SLC35F4: variants seen among roughly 807,000 people sequenced by gnomAD.
The protein encoded by SLC35F4 is solute carrier family 35 member F4, also known as chromosome 14 open reading frame 36.
In SLC35F4, 24 loss-of-function variants were observed where a neutral mutation model predicts 44.2. The observed-to-expected ratio is 0.54, with a 90% CI of 0.39 to 0.76. The LOEUF (loss-of-function observed/expected upper bound fraction) is 0.76, where lower values mean the gene tolerates loss of function less well. Ranked by LOEUF, SLC35F4 falls within the 30% of genes least tolerant of loss-of-function variation. SLC35F4 has a pLI of 0.00. For synonymous variants in SLC35F4, 238 were observed against 223.6 expected (o/e 1.06, Z -0.57); for missense variants, 562 against 586.1 (o/e 0.96, Z 0.42).
intron 1 of SLC35F4, among the ~76,000 whole-genome samples, chr14:57,850,937 A>G: frequency 6.6e-6 from 1 of 152,218 alleles, no homozygotes; most frequent in East Asian, 1.9e-4. Context: ...TATGACATTA[A>G]TTCAACTTGT....
chr14:57,686,013 C>T (rs554566086), intron 1 of SLC35F4, among the ~76,000 whole-genome samples: 1 of 152,270 alleles, frequency 6.6e-6, no homozygotes, highest in East Asian at 1.9e-4. Context: ...ATCTTCAACA[C>T]ATGTGACATT....
At chr14:57,586,739 A>AAAAAAAAAAAAAAAAAAAAAAAAC (rs2069761016) in intron 3 of SLC35F4, among the ~76,000 whole-genome samples, 1 of 147,758 alleles carries the variant, frequency 6.8e-6, no homozygotes, top group African/African-American at 2.5e-5. Context: ...AAAAAAAAAA[A>AAAAAAAAAAAAAAAAAAAAAAAAC]AAAAAAAAGA....
At chr14:57,901,029 G>C (rs1005686308) in intron 1 of SLC35F4, among the ~76,000 whole-genome samples, 8 of 152,188 alleles carry the variant, frequency 5.3e-5, no homozygotes, top group Non-Finnish European at 7.3e-5. Flanking sequence ...AGCAGATGCT[G>C]GTGAGGTTGC....
At position 57,686,443 on chromosome 14, in the gene SLC35F4, C is replaced by T. The variant is rs552236683; in HGVS notation, c.104-92319G>A. On this transcript the variant is annotated intron_variant, in intron 1 of 7. Coordinates refer to ENST00000556826, the MANE Select transcript of SLC35F4 (RefSeq NM_001306087.2). Reference sequence around the variant, plus strand: ...AAAAATCAAATTAGTGCAGCTGGGCCGATTACCAAAAGCCATTAGAAGACT... The same window carrying T: ...AAAAATCAAATTAGTGCAGCTGGGCTGATTACCAAAAGCCATTAGAAGACT... Among the ~76,000 whole-genome samples, 25 of 152,268 alleles carry T rather than the reference C, an allele frequency of 1.6e-4. No individual in the cohort carries two copies. In the South Asian group the frequency reaches 2.3e-3, roughly 14 times the overall value.
intron 1 of SLC35F4, among the ~76,000 whole-genome samples, chr14:57,598,515 G>C (rs1054144117): frequency 8.5e-5 from 13 of 152,188 alleles, no homozygotes; most frequent in African/African-American, 3.1e-4. Context: ...GAAGTTCTCA[G>C]ATAACAACTT....
downstream of SLC35F4, among the ~76,000 whole-genome samples, chr14:57,972,511 G>T (rs1881083181): frequency 6.6e-6 from 1 of 151,572 alleles, no homozygotes; most frequent in Non-Finnish European, 1.5e-5. Context: ...GGAAAAAAAG[G>T]AAAGAACTAT....
Position 57,677,412 on chromosome 14 carries a change from AAAT to A in SLC35F4, c.104-83291_104-83289del, listed in dbSNP as rs1300422940. On this transcript the variant is annotated intron_variant, in intron 1 of 7. Transcript: ENST00000556826. ...TTTACCCCCAAAACTATTGAAAAAAAAATAAAAATTATTTAAAAAGGGATAAAC... is the reference window on the plus strand; with the variant it reads ...TTTACCCCCAAAACTATTGAAAAAAAAAAAATTATTTAAAAAGGGATAAAC... Among the ~76,000 whole-genome samples, 548 of 115,006 alleles carry A rather than the reference AAAT, an allele frequency of 4.8e-3. 5 individuals carry two copies. The highest frequency in any genetic ancestry group is 0.014 in the African/African-American group (327 of 24,020). The allele number at this position is 115,006 out of a possible 152,430, so 75.4% of individuals were successfully genotyped here.
At chr14:57,739,411 A>T (rs1420352694) in intron 1 of SLC35F4, among the ~76,000 whole-genome samples, 1 of 152,206 alleles carries the variant, frequency 6.6e-6, no homozygotes, top group African/African-American at 2.4e-5. Context: ...AAGAGTAAAA[A>T]AACACAGAAC....
At chr14:57,745,372 TAAAC>T (rs1324164832) in intron 1 of SLC35F4, among the ~76,000 whole-genome samples, 5 of 151,926 alleles carry the variant, frequency 3.3e-5, no homozygotes, top group African/African-American at 4.8e-5. Flanking sequence ...ACAAAGAACT[TAAAC>T]AAACGTAAAA....
intron 1 of SLC35F4, among the ~76,000 whole-genome samples, chr14:57,764,336 G>A (rs897839357): frequency 1.3e-5 from 2 of 152,080 alleles, no homozygotes; most frequent in Non-Finnish European, 2.9e-5. Flanking sequence ...AGCCACTTTG[G>A]TTTATCTATC....
At chr14:57,606,951 G>A (rs1342964828) in intron 1 of SLC35F4, among the ~76,000 whole-genome samples, 1 of 152,218 alleles carries the variant, frequency 6.6e-6, no homozygotes, top group East Asian at 1.9e-4. Flanking sequence ...GTGCCTAGCA[G>A]TGCCTGCCCC....
At chr14:57,792,419 A>C (rs1034058757) in intron 1 of SLC35F4, among the ~76,000 whole-genome samples, 1 of 152,222 alleles carries the variant, frequency 6.6e-6, no homozygotes, top group African/African-American at 2.4e-5. Context: ...GTATCTACCC[A>C]GAGGAAAATA....
At chr14:57,723,978 C>T (rs2076145194) in intron 1 of SLC35F4, among the ~76,000 whole-genome samples, 1 of 152,130 alleles carries the variant, frequency 6.6e-6, no homozygotes, top group Non-Finnish European at 1.5e-5. Context: ...AGGTGTGGGG[C>T]CTGTCGAGAT....
At chr14:57,958,525 G>A (rs900358173) in intron 1 of SLC35F4, among the ~76,000 whole-genome samples, 5 of 149,636 alleles carry the variant, frequency 3.3e-5, no homozygotes, top group Admixed American at 6.6e-5. Flanking sequence ...GTGGCTGCTA[G>A]TGGATACAGA....
At chr14:57,905,224 C>T (rs1216705936) in intron 1 of SLC35F4, among the ~76,000 whole-genome samples, 1 of 152,292 alleles carries the variant, frequency 6.6e-6, no homozygotes, top group South Asian at 2.1e-4. Context: ...GGCAGCAGGC[C>T]TCAGTTTCTC....
chr14:57,877,986 T>C (rs1037917741), intron 1 of SLC35F4, among the ~76,000 whole-genome samples: 3 of 152,056 alleles, frequency 2.0e-5, no homozygotes, highest in Non-Finnish European at 4.4e-5. Context: ...TGCCCAGCCA[T>C]TTTTTGACTT....
chr14:57,893,163 A>G (rs1888805010), intron 1 of SLC35F4, among the ~76,000 whole-genome samples: 1 of 152,178 alleles, frequency 6.6e-6, no homozygotes, highest in South Asian at 2.1e-4. Flanking sequence ...AAAAAAACTA[A>G]GGTTTGCTGC....
intron 1 of SLC35F4, among the ~76,000 whole-genome samples, chr14:57,958,400 A>G (rs1368017748): frequency 6.6e-6 from 1 of 152,218 alleles, no homozygotes; most frequent in Non-Finnish European, 1.5e-5. Context: ...GAAAGGAGCC[A>G]GTCACAAAAG....
chr14:57,709,917 C>T (rs2075775458), intron 1 of SLC35F4, among the ~76,000 whole-genome samples: 1 of 152,134 alleles, frequency 6.6e-6, no homozygotes, highest in Admixed American at 6.5e-5. Flanking sequence ...GAATTTACAG[C>T]CTGATTATGC....
Sources: gnomAD v4.1 joint callset for allele counts (sites outside exome capture counted in the v4.1 genomes callset) on GRCh38, gnomAD v4.1.1 for gene constraint, MANE v1.5 for transcripts, NCBI Gene and HGNC (gene_info 2026-07-23, HGNC 2026-07-21) for gene names.